The following HSD17B12 variants were observed in gnomAD, a reference collection of about 807,000 sequenced individuals.
HSD17B12 encodes very-long-chain 3-oxoacyl-CoA reductase.
A neutral mutation model predicts 39.3 loss-of-function variants in HSD17B12; 32 were observed. The observed-to-expected ratio is 0.81, with a 90% CI of 0.61 to 1.09. The LOEUF (loss-of-function observed/expected upper bound fraction) is 1.09. Ranked by LOEUF, HSD17B12 falls within the 50% of genes least tolerant of loss-of-function variation. The pLI, the probability that HSD17B12 is intolerant of heterozygous loss-of-function variation, is 0.00. For synonymous variants in HSD17B12, 150 were observed against 146.7 expected, an observed-to-expected ratio of 1.02 and a Z score of -0.16; for missense variants, 342 against 382.9, an observed-to-expected ratio of 0.89 and a Z score of 0.89.
the HSD17B12 span, among the ~76,000 whole-genome samples, chr11:43,668,367 T>TG: frequency 6.6e-6 from 1 of 152,210 alleles, no homozygotes; most frequent in African/African-American, 2.4e-5. Flanking sequence ...TGACCAAAGC[T>TG]GGGAAAGATT....
chr11:43,736,220 G>A (rs148143318), intron 1 of HSD17B12, among the ~76,000 whole-genome samples: 142 of 152,304 alleles, frequency 9.3e-4, no homozygotes, highest in African/African-American at 3.3e-3. Context: ...AGAAGGAATC[G>A]CAGGGCCTTG....
chr11:43,763,099 G>A (rs949877559), intron 3 of HSD17B12, among the ~76,000 whole-genome samples: 10 of 152,082 alleles, frequency 6.6e-5, no homozygotes, highest in Non-Finnish European at 1.3e-4. Context: ...TAATCAAGAA[G>A]CACTGAAGAT....
At chr11:43,685,761 T>C (rs764028931) in intron 1 of HSD17B12, among the ~76,000 whole-genome samples, 6 of 152,240 alleles carry the variant, frequency 3.9e-5, no homozygotes, top group Non-Finnish European at 8.8e-5. Context: ...CGGGAGTAGA[T>C]TTCTTTATAC....
intron 1 of HSD17B12, among the ~76,000 whole-genome samples, chr11:43,690,386 A>ATTTTTTTTTTTTTTTTTT (rs1565049669): frequency 9.7e-5 from 1 of 10,310 alleles, no homozygotes; most frequent in Non-Finnish European, 1.8e-4. Context: ...ATATATATAT[A>ATTTTTTTTTTTTTTTTTT]TATATATATA....
chr11:43,609,129 C>A, the HSD17B12 span, among the ~76,000 whole-genome samples: 19 of 151,376 alleles, frequency 1.3e-4, no homozygotes, highest in Non-Finnish European at 2.7e-4. Flanking sequence ...TTGTTAGGAC[C>A]AATTTTCGTC....
intron 9 of HSD17B12, among the ~76,000 whole-genome samples, chr11:43,850,189 A>T (rs1481674574): frequency 2.0e-5 from 3 of 152,200 alleles, no homozygotes; most frequent in Non-Finnish European, 4.4e-5. Flanking sequence ...TGCCAAGTAG[A>T]TAATCAAGGG....
At chr11:43,590,892 A>G in the HSD17B12 span, among the ~76,000 whole-genome samples, 7 of 150,826 alleles carry the variant, frequency 4.6e-5, no homozygotes, top group Non-Finnish European at 1.0e-4. Flanking sequence ...CATGCTTGCT[A>G]CAGGTGGGTG....
the HSD17B12 span, among the ~76,000 whole-genome samples, chr11:43,587,463 A>G: frequency 6.6e-6 from 1 of 152,208 alleles, no homozygotes; most frequent in African/African-American, 2.4e-5. Flanking sequence ...TGCATGGTCA[A>G]ATCTTGGTTT....
chr11:43,737,131 C>A (rs1314942914), intron 1 of HSD17B12, among the ~76,000 whole-genome samples: 2 of 152,100 alleles, frequency 1.3e-5, no homozygotes, highest in Non-Finnish European at 2.9e-5. Context: ...CAAGAAGGAA[C>A]CTGTTTGGAA....
At chr11:43,657,056 A>C in the HSD17B12 span, among the ~76,000 whole-genome samples, 7 of 152,224 alleles carry the variant, frequency 4.6e-5, no homozygotes, top group Non-Finnish European at 7.4e-5. Context: ...GTAGGTCACT[A>C]AGGACTTGCT....
the HSD17B12 span, among the ~76,000 whole-genome samples, chr11:43,587,491 T>TC: frequency 2.0e-5 from 3 of 152,212 alleles, no homozygotes; most frequent in Admixed American, 1.3e-4. Flanking sequence ...TTCTTTTTTT[T>TC]CCCCCATTAG....
upstream of HSD17B12, among the ~76,000 whole-genome samples, chr11:43,676,814 C>CA (rs753008151): frequency 1.3e-5 from 2 of 152,046 alleles, no homozygotes; most frequent in African/African-American, 4.8e-5. Context: ...ACATATGCAA[C>CA]AAAAAATATG....
At chr11:43,566,826 C>T in the HSD17B12 span, among the ~76,000 whole-genome samples, 2 of 152,196 alleles carry the variant, frequency 1.3e-5, no homozygotes, top group African/African-American at 2.4e-5. Flanking sequence ...CCACGCCCAG[C>T]CCCCAGAACA....
chr11:43,577,332 G>T, the HSD17B12 span, among the ~76,000 whole-genome samples: 14 of 152,208 alleles, frequency 9.2e-5, no homozygotes, highest in African/African-American at 2.7e-4. Context: ...GAGAGCTTTG[G>T]GGGGAAGGAG....
chr11:43,609,498 T>C, the HSD17B12 span, among the ~76,000 whole-genome samples: 1 of 151,740 alleles, frequency 6.6e-6, no homozygotes, highest in Non-Finnish European at 1.5e-5. Context: ...CCCAAGTAAC[T>C]AGGATTATAG....
intron 3 of HSD17B12, among the ~76,000 whole-genome samples, chr11:43,763,913 G>A (rs1015129038): frequency 6.6e-6 from 1 of 151,962 alleles, no homozygotes; most frequent in Admixed American, 6.6e-5. Context: ...ACATTGCAGA[G>A]CAACATGATC....
intron 3 of HSD17B12, among the ~76,000 whole-genome samples, chr11:43,786,194 C>T (rs907102298): frequency 2.6e-5 from 4 of 152,112 alleles, no homozygotes; most frequent in East Asian, 1.9e-4. Context: ...ATTCAACTCA[C>T]GACTCAATTG....
At chr11:43,574,455 G>C in the HSD17B12 span, among the ~76,000 whole-genome samples, 2 of 152,176 alleles carry the variant, frequency 1.3e-5, no homozygotes, top group Admixed American at 1.3e-4. Context: ...TATCCAAGTG[G>C]ATCTAGGATA....
chr11:43,710,269 T>G (rs1015529022), intron 1 of HSD17B12, among the ~76,000 whole-genome samples: 3 of 152,214 alleles, frequency 2.0e-5, no homozygotes, highest in South Asian at 4.1e-4. Context: ...GCGTATCTTC[T>G]GCAAACCTTT....
Sources: gnomAD v4.1 joint callset for allele counts (sites outside exome capture counted in the v4.1 genomes callset) on GRCh38, gnomAD v4.1.1 for gene constraint, MANE v1.5 for transcripts, NCBI Gene and HGNC (gene_info 2026-07-23, HGNC 2026-07-21) for gene names.